PIWIL1: variants seen among roughly 807,000 people sequenced by gnomAD.
The protein encoded by PIWIL1 is piwi-like protein 1.
Under a neutral mutation model 114.4 loss-of-function variants are expected in PIWIL1, and 73 were observed. The observed-to-expected ratio is 0.64, with a 90% CI of 0.53 to 0.78. PIWIL1 has a LOEUF of 0.78. Among genes scored for constraint, PIWIL1 ranks in the 30% least tolerant of loss-of-function variants. The probability of loss-of-function intolerance (pLI) is 0.00; values close to 1 mark genes in which losing one functional copy is unlikely to be tolerated. For synonymous variants in PIWIL1, 375 were observed against 369.0 expected (o/e 1.02, Z -0.19); for missense variants, 723 against 1,063.1 (o/e 0.68, Z 4.45).
chr12:130,392,848 G>A, the PIWIL1 span, among the ~76,000 whole-genome samples: 253 of 76,958 alleles, frequency 3.3e-3, 37 homozygotes, highest in East Asian at 0.021. Context: ...CCCGGTCACC[G>A]TCATCACGTG....
chr12:130,392,835 T>G, the PIWIL1 span, among the ~76,000 whole-genome samples: 69 of 74,202 alleles, frequency 9.3e-4, 2 homozygotes, highest in Non-Finnish European at 1.1e-3. Flanking sequence ...AATGTTGTGA[T>G]GACCCGGTCA....
the PIWIL1 span, chr12:130,414,203 G>C: frequency 6.2e-7 from 1 of 1,614,230 alleles, no homozygotes; most frequent in Non-Finnish European, 8.5e-7. Context: ...GCGGGTCGTA[G>C]TCAAAGAGAG....
the PIWIL1 span, among the ~76,000 whole-genome samples, chr12:130,385,419 G>A: frequency 6.6e-6 from 1 of 152,040 alleles, no homozygotes; most frequent in African/African-American, 2.4e-5. Context: ...TGCTGCTTTC[G>A]TTCATCAAAT....
chr12:130,354,388 T>A lies in PIWIL1; in HGVS notation c.1045-149T>A, dbSNP rs536987474. 1.1e-4 allele frequency: 100 copies of A among 906,146 alleles called. No homozygotes were observed. The African/African-American group carries it at 1.6e-3, about 14-fold the overall frequency. 56.1% of individuals were successfully genotyped at this position (906,146 alleles called of 1,614,324 possible). ...TCTGTTTTAAGAATGTTAAAAAAAA[T>A]GCCTTTTTAAAACTTTACTCTGAAG... On this transcript the variant is annotated intron_variant, in intron 9 of 20. Transcript: ENST00000245255.
chr12:130,378,807 T>A, the PIWIL1 span, among the ~76,000 whole-genome samples: 1 of 152,266 alleles, frequency 6.6e-6, no homozygotes, highest in Non-Finnish European at 1.5e-5. Context: ...TTTAAAAGTA[T>A]TTTATTGAGT....
chr12:130,416,384 C>T, the PIWIL1 span, among the ~76,000 whole-genome samples: 4 of 152,144 alleles, frequency 2.6e-5, no homozygotes, highest in African/African-American at 4.8e-5. Flanking sequence ...GACACACAGA[C>T]TAATGGAACA....
chr12:130,397,557 G>GT, the PIWIL1 span: 1 of 399,008 alleles, frequency 2.5e-6, no homozygotes, highest in Non-Finnish European at 4.4e-6. Context: ...AACCTAGTAG[G>GT]TACAGTGTTA....
the PIWIL1 span, among the ~76,000 whole-genome samples, chr12:130,406,739 C>T: frequency 2.6e-5 from 4 of 152,150 alleles, no homozygotes; most frequent in Admixed American, 2.6e-4. Flanking sequence ...CTCTGCCTCT[C>T]GGGTTCAAGC....
rs1353251701 is a variant in PIWIL1, at chr12:130,372,172, A to G, written c.*574A>G. The G allele has an allele frequency of 6.6e-6, 1 of 152,140 alleles. No individual in the cohort carries two copies. The highest frequency in any genetic ancestry group is 2.4e-5 in the African/African-American group (1 of 41,442). The allele number at this position is 152,140 out of a possible 1,614,324, so 9.4% of individuals were successfully genotyped here. ...TAGGTTGTATGGGAGTAAAAAAAAC[A>G]TTGAAAATTTTTAAATTGTCCAAAG... On this transcript the variant is annotated 3_prime_UTR_variant, in exon 21 of 21. Transcript: ENST00000245255.
chr12:130,367,557 G>A (rs1037943276), intron 19 of PIWIL1, among the ~76,000 whole-genome samples: 3 of 152,088 alleles, frequency 2.0e-5, no homozygotes, highest in African/African-American at 7.2e-5. Flanking sequence ...TATTTTTTAC[G>A]TACATAACCT....
the PIWIL1 span, among the ~76,000 whole-genome samples, chr12:130,381,026 A>G: frequency 7.9e-5 from 12 of 152,176 alleles, 1 homozygote; most frequent in East Asian, 1.2e-3. Context: ...CCTCACCCAC[A>G]CAGGCCCAGC....
chr12:130,403,948 C>G, the PIWIL1 span, among the ~76,000 whole-genome samples: 1 of 152,176 alleles, frequency 6.6e-6, no homozygotes, highest in African/African-American at 2.4e-5. Context: ...GACCATCTAT[C>G]TTTACTGATA....
At chr12:130,378,532 A>C in the PIWIL1 span, among the ~76,000 whole-genome samples, 1 of 152,182 alleles carries the variant, frequency 6.6e-6, no homozygotes, top group Non-Finnish European at 1.5e-5. Flanking sequence ...CTGCAACTTC[A>C]TGAAAAGCTA....
the PIWIL1 span, among the ~76,000 whole-genome samples, chr12:130,420,404 A>C: frequency 5.3e-3 from 801 of 152,310 alleles, 7 homozygotes; most frequent in African/African-American, 0.018. The surrounding 1 kb of genome is among the most constrained non-coding windows in gnomAD (Gnocchi z 4.3). Flanking sequence ...TTCCTTGTTA[A>C]GGTGTTGACA....
At chr12:130,341,731 G>A (rs1330759774) in intron 1 of PIWIL1, among the ~76,000 whole-genome samples, 2 of 152,198 alleles carry the variant, frequency 1.3e-5, no homozygotes, top group African/African-American at 4.8e-5. Flanking sequence ...AAAATGTGAA[G>A]GAGTTGGGTT....
intron 3 of PIWIL1, 99 bp from the exon 4 acceptor site, chr12:130,345,654 C>A: frequency 1.6e-6 from 2 of 1,274,312 alleles, no homozygotes; most frequent in East Asian, 2.3e-5. Flanking sequence ...TTCTACACCT[C>A]AGTATCCTTT....
the PIWIL1 span, among the ~76,000 whole-genome samples, chr12:130,388,374 A>C: frequency 6.6e-6 from 1 of 152,232 alleles, no homozygotes; most frequent in Admixed American, 6.5e-5. Flanking sequence ...TAGTTGATCT[A>C]TCCCAGTATC....
chr12:130,388,268 C>G, the PIWIL1 span, among the ~76,000 whole-genome samples: 1 of 152,166 alleles, frequency 6.6e-6, no homozygotes, highest in African/African-American at 2.4e-5. Flanking sequence ...CATGCACCAC[C>G]TTGCCTGGCT....
the PIWIL1 span, chr12:130,412,662 A>G: frequency 6.2e-7 from 1 of 1,613,960 alleles, no homozygotes; most frequent in South Asian, 1.1e-5. Context: ...AGCCCTGTCT[A>G]AGAAGCTGAT....
Sources: allele counts gnomAD v4.1 joint callset (sites outside exome capture counted in the v4.1 genomes callset), GRCh38; gene constraint gnomAD v4.1.1; non-coding constraint Gnocchi (gnomAD v3.1); transcripts MANE v1.5; gene names NCBI Gene and HGNC (gene_info 2026-07-23, HGNC 2026-07-21).